Variants in STAM2 observed in about 807,000 individuals in gnomAD.
STAM2 encodes the protein signal transducing adaptor molecule 2.
In STAM2, 51 loss-of-function variants were observed where a neutral mutation model predicts 65.6. That is an observed-to-expected ratio of 0.78 (90% confidence interval 0.62 to 0.98). The LOEUF (loss-of-function observed/expected upper bound fraction) is 0.98, where lower values mean the gene tolerates loss of function less well. Ranked by LOEUF, STAM2 falls within the 50% of genes least tolerant of loss-of-function variation. The pLI is 0.00. For synonymous variants in STAM2, 198 were observed against 208.4 expected (o/e 0.95, Z 0.43); for missense variants, 584 against 617.8 (o/e 0.95, Z 0.58).
rs1688961693 is a variant in STAM2 at position 152,126,219 on chromosome 2, T to A, written c.1179+7A>T. On this transcript the variant is annotated splice_region_variant and intron_variant, in intron 12 of 13. Coordinates refer to ENST00000263904, the MANE Select transcript of STAM2 (RefSeq NM_005843.6). ...ATTTAGAAAATGTTCTCAAAAAACA[T>A]GCTCACCTGCATTGGAACCCCAGAT... The A allele has an allele frequency of 6.4e-7, 1 of 1,562,384 alleles. No individual in the cohort carries two copies. The highest frequency in any genetic ancestry group is 1.4e-5 in the African/African-American group (1 of 72,304).
At chr2:152,144,462 T>TA (rs1325888395) in intron 6 of STAM2, among the ~76,000 whole-genome samples, 1 of 152,210 alleles carries the variant, frequency 6.6e-6, no homozygotes, top group Non-Finnish European at 1.5e-5. Flanking sequence ...TGGATGCTAC[T>TA]AGTTTTTAGA....
chr2:152,149,881 T>C (rs1376400128), intron 2 of STAM2, among the ~76,000 whole-genome samples: 1 of 152,158 alleles, frequency 6.6e-6, no homozygotes, highest in Non-Finnish European at 1.5e-5. Flanking sequence ...CATAATATAC[T>C]GTATTCTTAC....
intron 1 of STAM2, among the ~76,000 whole-genome samples, chr2:152,153,942 C>A (rs529226625): frequency 6.7e-6 from 1 of 148,936 alleles, no homozygotes; most frequent in African/African-American, 2.5e-5. Flanking sequence ...AAAGTTAATG[C>A]AAAATTAAAT....
At chr2:152,153,059 T>A (rs986297435) in intron 1 of STAM2, among the ~76,000 whole-genome samples, 18 of 152,136 alleles carry the variant, frequency 1.2e-4, no homozygotes, top group African/African-American at 4.1e-4. Flanking sequence ...TAAAATAAAT[T>A]AATTAAAGGT....
rs1351210473 is a variant in STAM2, at chr2:152,118,540, G to A, written c.*2034C>T. ...TTAGTGGGTGTGCAGTAATTATATT[G>A]GCTCAAAGACATGCTGAATTAAACT... is the stretch of plus-strand genomic sequence containing the variant. On this transcript the variant is annotated 3_prime_UTR_variant, in exon 14 of 14. Coordinates refer to ENST00000263904, the MANE Select transcript of STAM2 (RefSeq NM_005843.6). 6.7e-6 allele frequency: 1 copy of A among 150,168 alleles called. No individual in the cohort carries two copies. The highest frequency in any genetic ancestry group is 1.5e-5 in the Non-Finnish European group (1 of 67,632). The allele number at this position is 150,168 out of a possible 1,614,324, so 9.3% of individuals were successfully genotyped here.
At chr2:152,171,719 A>G (rs918045204) in intron 1 of STAM2, among the ~76,000 whole-genome samples, 4 of 152,210 alleles carry the variant, frequency 2.6e-5, no homozygotes, top group African/African-American at 9.6e-5. Flanking sequence ...AACAATTCAA[A>G]CCACTGCGTC....
rs1427511904 is a variant in STAM2, at chr2:152,175,511, G to A, written c.40+92C>T. Reference sequence around the variant, plus strand: ...TCCCCTCCCTTCGCTTTGCTTCCTAGTCCCCGGAGTCGCTACCGCCCACTT... The same window carrying A: ...TCCCCTCCCTTCGCTTTGCTTCCTAATCCCCGGAGTCGCTACCGCCCACTT... On this transcript the variant is annotated intron_variant, in intron 1 of 13. Coordinates refer to ENST00000263904, the MANE Select transcript of STAM2 (RefSeq NM_005843.6). 14 of 1,524,342 alleles carry A rather than the reference G, an allele frequency of 9.2e-6. No individual in the cohort carries two copies. The Admixed American group carries it at 2.2e-4, about 24-fold the overall frequency. The allele number at this position is 1,524,342 out of a possible 1,614,324, so 94.4% of individuals were successfully genotyped here.
At chr2:152,141,948 A>G (rs1365596003) in intron 7 of STAM2, among the ~76,000 whole-genome samples, 1 of 151,832 alleles carries the variant, frequency 6.6e-6, no homozygotes, top group Non-Finnish European at 1.5e-5. Flanking sequence ...ACTTCAAGGG[A>G]CTTCTGTGTG....
intron 1 of STAM2, among the ~76,000 whole-genome samples, chr2:152,169,984 T>C (rs940453764): frequency 2.0e-5 from 3 of 151,848 alleles, no homozygotes; most frequent in Non-Finnish European, 4.4e-5. Context: ...ATGACAGGCA[T>C]TCACCACCAC....
rs778031280 is a variant in STAM2 at position 152,117,779 on chromosome 2, AATTG to A, written c.*2791_*2794del. The A allele has an allele frequency of 7.9e-5, 12 of 152,170 alleles. No homozygotes were observed. The highest frequency in any genetic ancestry group is 1.8e-4 in the Non-Finnish European group (12 of 68,008). The allele number at this position is 152,170 out of a possible 1,614,324, so 9.4% of individuals were successfully genotyped here. ...AGCTATATGTTTTTAAAACATTTAA[AATTG>A]ATTTTTTAAATTTTGAAAGTGAAAT... On this transcript the variant is annotated 3_prime_UTR_variant, in exon 14 of 14. Coordinates refer to ENST00000263904, the MANE Select transcript of STAM2 (RefSeq NM_005843.6).
intron 1 of STAM2, among the ~76,000 whole-genome samples, chr2:152,168,380 G>A (rs958619693): frequency 1.3e-5 from 2 of 151,960 alleles, no homozygotes; most frequent in African/African-American, 4.8e-5. Context: ...GGCTGGTCTC[G>A]AACTCCTGAC....
intron 7 of STAM2, among the ~76,000 whole-genome samples, chr2:152,140,784 G>T (rs1297481954): frequency 1.3e-5 from 2 of 152,166 alleles, no homozygotes; most frequent in Non-Finnish European, 2.9e-5. Flanking sequence ...AGCAGAAAAT[G>T]GCATTTTTGG....
Position 152,173,387 on chromosome 2 carries a change from T to C in STAM2, c.40+2216A>G, listed in dbSNP as rs1689936926. Among the ~76,000 whole-genome samples, 3 of 147,556 alleles carry C rather than the reference T, an allele frequency of 2.0e-5. No homozygotes were observed. In the Admixed American group the frequency reaches 2.0e-4, roughly 10 times the overall value. The stretch of plus-strand genomic sequence containing the variant: ...ACATATATATACATATATATATATA[T>C]GTATACATATATATATATATTTTTT... On this transcript the variant is annotated intron_variant, in intron 1 of 13. Coordinates refer to ENST00000263904, the MANE Select transcript of STAM2 (RefSeq NM_005843.6).
intron 11 of STAM2, among the ~76,000 whole-genome samples, chr2:152,128,907 T>C (rs1254368881): frequency 2.0e-5 from 3 of 152,164 alleles, no homozygotes; most frequent in African/African-American, 7.2e-5. Context: ...ACATGATCCA[T>C]TCAAGGGAAA....
intron 1 of STAM2, among the ~76,000 whole-genome samples, chr2:152,168,431 T>C (rs1248862937): frequency 6.6e-6 from 1 of 152,138 alleles, no homozygotes; most frequent in African/African-American, 2.4e-5. Context: ...GTGCTGGGAT[T>C]ATAGGCATGA....
chr2:152,151,940 T>TTGGTTGGTTGGC (rs1689453484), intron 1 of STAM2, among the ~76,000 whole-genome samples: 1 of 152,276 alleles, frequency 6.6e-6, no homozygotes, highest in Non-Finnish European at 1.5e-5. Flanking sequence ...GGTTGGTTGG[T>TTGGTTGGTTGGC]TGGTTGGTTG....
At chr2:152,149,216 G>A (rs1045765834) in intron 2 of STAM2, among the ~76,000 whole-genome samples, 6 of 152,082 alleles carry the variant, frequency 3.9e-5, no homozygotes, top group Admixed American at 3.3e-4. Context: ...AGAAGTCCCA[G>A]AGGAATTCCT....
chr2:152,174,865 T>C (rs1023560867), intron 1 of STAM2, among the ~76,000 whole-genome samples: 4 of 152,348 alleles, frequency 2.6e-5, no homozygotes, highest in Middle Eastern at 3.4e-3. Flanking sequence ...TCAAATTTCC[T>C]AAATAATTTC....
At chr2:152,160,809 C>G (rs1316887277) in intron 1 of STAM2, among the ~76,000 whole-genome samples, 1 of 147,160 alleles carries the variant, frequency 6.8e-6, no homozygotes, top group Non-Finnish European at 1.5e-5. Flanking sequence ...CCAGCCGCCC[C>G]GTCCGGGAAG....
Sources: allele counts gnomAD v4.1 joint callset (sites outside exome capture counted in the v4.1 genomes callset), GRCh38; gene constraint gnomAD v4.1.1; transcripts MANE v1.5; gene names NCBI Gene and HGNC (gene_info 2026-07-23, HGNC 2026-07-21).